ZSWIM6: variants seen among roughly 807,000 people sequenced by gnomAD.
The protein encoded by ZSWIM6 is zinc finger SWIM domain-containing protein 6.
In ZSWIM6, 9 loss-of-function variants were observed where a neutral mutation model predicts 113.2. The observed-to-expected ratio is 0.08, with a 90% CI of 0.05 to 0.14. The LOEUF (loss-of-function observed/expected upper bound fraction) is 0.14, where lower values mean the gene tolerates loss of function less well. Ranked by LOEUF, ZSWIM6 falls within the 10% of genes least tolerant of loss-of-function variation. The probability of loss-of-function intolerance (pLI) is 1.00; values close to 1 mark genes in which losing one functional copy is unlikely to be tolerated. For missense variants in ZSWIM6, 1,162 were observed against 1,552.2 expected (o/e 0.75, Z 4.22); for synonymous variants, 611 against 606.5 (o/e 1.01, Z -0.11).
chr5:61,423,878 TGAC>T (rs1398595094), intron 1 of ZSWIM6, among the ~76,000 whole-genome samples: 1 of 152,244 alleles, frequency 6.6e-6, no homozygotes, highest in Non-Finnish European at 1.5e-5. Context: ...CGATACTGGC[TGAC>T]GACATTTTAT....
intron 1 of ZSWIM6, among the ~76,000 whole-genome samples, chr5:61,340,291 T>C (rs1306028094): frequency 6.6e-6 from 1 of 152,236 alleles, no homozygotes. Flanking sequence ...ATGTTTTATG[T>C]CTGCGGAATT....
chr5:61,377,415 A>G (rs1413810974), intron 1 of ZSWIM6, among the ~76,000 whole-genome samples: 1 of 152,164 alleles, frequency 6.6e-6, no homozygotes, highest in Admixed American at 6.5e-5. Flanking sequence ...AACAAGATTC[A>G]TAAGTTAGAT....
intron 9 of ZSWIM6, 96 bp from the exon 10 acceptor site, chr5:61,535,388 A>G (rs1276923320): frequency 3.0e-6 from 4 of 1,355,410 alleles, no homozygotes; most frequent in Non-Finnish European, 4.1e-6. Flanking sequence ...TTATTTGTAT[A>G]TGTTATAACT....
intron 4 of ZSWIM6, among the ~76,000 whole-genome samples, chr5:61,503,108 GATA>G (rs1190734168): frequency 6.6e-6 from 1 of 152,188 alleles, no homozygotes; most frequent in Non-Finnish European, 1.5e-5. Flanking sequence ...AAGCTTGTCT[GATA>G]ATTGTATAAC....
chr5:61,490,034 A>G (rs1268937510), intron 2 of ZSWIM6, among the ~76,000 whole-genome samples: 1 of 152,022 alleles, frequency 6.6e-6, no homozygotes, highest in Non-Finnish European at 1.5e-5. Context: ...TTTTTGTATT[A>G]CTTATGAATC....
chr5:61,394,747 G>C (rs952895935), intron 1 of ZSWIM6, among the ~76,000 whole-genome samples: 8 of 152,176 alleles, frequency 5.3e-5, no homozygotes, highest in African/African-American at 1.4e-4. Context: ...GCCAGAGGAG[G>C]GGGTATGGAA....
rs200594724 is a variant in ZSWIM6, at chr5:61,466,328, C to CA, written c.677-6352dup. Among the ~76,000 whole-genome samples the CA allele has an allele frequency of 6.5e-3, 994 of 152,226 alleles. 14 individuals are homozygous for CA. Among genetic ancestry groups the CA allele is most frequent in the African/African-American group, 0.023 (959 of 41,522 alleles). On this transcript the variant is annotated intron_variant, in intron 1 of 13. Transcript: ENST00000252744. ...AGCAATGAATACATTATCATGGGAG[C>CA]ATTAACACTTTTGCATTTTTAGACT... is the stretch of plus-strand genomic sequence containing the variant.
At chr5:61,484,660 T>C (rs868485789) in intron 2 of ZSWIM6, among the ~76,000 whole-genome samples, 10 of 152,224 alleles carry the variant, frequency 6.6e-5, no homozygotes, top group Admixed American at 4.6e-4. Flanking sequence ...GATACAGTTA[T>C]AGACCTAGTA....
At chr5:61,476,745 C>T (rs936583765) in intron 2 of ZSWIM6, among the ~76,000 whole-genome samples, 9 of 152,090 alleles carry the variant, frequency 5.9e-5, no homozygotes, top group Non-Finnish European at 1.3e-4. Flanking sequence ...TAATTAACTT[C>T]GTCTTTTCTG....
chr5:61,463,411 T>C (rs1407248696), intron 1 of ZSWIM6, among the ~76,000 whole-genome samples: 3 of 152,232 alleles, frequency 2.0e-5, no homozygotes, highest in Non-Finnish European at 4.4e-5. Context: ...GTTGAGGCTG[T>C]AATTCTAATC....
intron 12 of ZSWIM6, among the ~76,000 whole-genome samples, chr5:61,541,412 A>G (rs1232735006): frequency 6.6e-6 from 1 of 152,236 alleles, no homozygotes; most frequent in Non-Finnish European, 1.5e-5. Flanking sequence ...ACCAGAAAAG[A>G]GCAATCAGAG....
At chr5:61,459,939 G>C (rs1422333958) in intron 1 of ZSWIM6, among the ~76,000 whole-genome samples, 1 of 152,226 alleles carries the variant, frequency 6.6e-6, no homozygotes. Flanking sequence ...TGAGTCAAGA[G>C]TGTGTGGTAT....
intron 1 of ZSWIM6, among the ~76,000 whole-genome samples, chr5:61,400,583 A>G (rs1471259254): frequency 6.6e-6 from 1 of 152,232 alleles, no homozygotes; most frequent in Non-Finnish European, 1.5e-5. Context: ...TTGATTGCTC[A>G]TCAGCAAGGC....
intron 4 of ZSWIM6, among the ~76,000 whole-genome samples, chr5:61,499,105 A>G (rs377219605): frequency 1.6e-4 from 24 of 152,232 alleles, no homozygotes; most frequent in South Asian, 2.1e-4. Flanking sequence ...TTCCCCATAT[A>G]CATAGTTACC....
intron 1 of ZSWIM6, among the ~76,000 whole-genome samples, chr5:61,390,005 G>C (rs764294541): frequency 6.6e-6 from 1 of 152,188 alleles, no homozygotes; most frequent in Admixed American, 6.5e-5. Context: ...AGACAGAATA[G>C]AATTTTTCTT....
chr5:61,503,000 A>T (rs1748515310), intron 4 of ZSWIM6, among the ~76,000 whole-genome samples: 1 of 152,116 alleles, frequency 6.6e-6, no homozygotes, highest in Admixed American at 6.6e-5. Context: ...CTAAAGGATG[A>T]CTTTTAAATT....
At chr5:61,468,137 CAAAT>C (rs1229281254) in intron 1 of ZSWIM6, among the ~76,000 whole-genome samples, 2 of 152,148 alleles carry the variant, frequency 1.3e-5, no homozygotes, top group East Asian at 1.9e-4. Flanking sequence ...ATTTTGCACA[CAAAT>C]AAAGCAAGAT....
chr5:61,501,751 G>T (rs760799605), intron 4 of ZSWIM6, among the ~76,000 whole-genome samples: 1 of 152,290 alleles, frequency 6.6e-6, no homozygotes, highest in Non-Finnish European at 1.5e-5. Context: ...TTTGTATCAA[G>T]AATCGATTCC....
chr5:61,483,190 T>G (rs950258360), intron 2 of ZSWIM6, among the ~76,000 whole-genome samples: 3 of 152,088 alleles, frequency 2.0e-5, no homozygotes, highest in Non-Finnish European at 4.4e-5. Context: ...CGTTGCGTGG[T>G]AAGGGAGCTG....
Sources: allele counts gnomAD v4.1 joint callset (sites outside exome capture counted in the v4.1 genomes callset), GRCh38; gene constraint gnomAD v4.1.1; transcripts MANE v1.5; gene names NCBI Gene and HGNC (gene_info 2026-07-23, HGNC 2026-07-21).